The following PAFAH1B1 variants were observed in gnomAD, a reference collection of about 807,000 sequenced individuals.
The protein encoded by PAFAH1B1 is platelet-activating factor acetylhydrolase IB subunit beta.
In PAFAH1B1, 2 loss-of-function variants were observed where a neutral mutation model predicts 57.5. The ratio of observed to expected loss-of-function variants is 0.03; its 90% CI spans 0.01 to 0.11. The LOEUF is 0.11. Ranked by LOEUF, PAFAH1B1 falls within the 10% of genes least tolerant of loss-of-function variation. PAFAH1B1 has a pLI of 1.00. For missense variants in PAFAH1B1, 257 were observed against 512.0 expected, an observed-to-expected ratio of 0.50 and a Z score of 4.81; for synonymous variants, 152 against 169.6, an observed-to-expected ratio of 0.90 and a Z score of 0.81.
rs561339399 is a variant in PAFAH1B1, at chr17:2,618,259, A to G, written c.-190-19840A>G. Among the ~76,000 whole-genome samples, 5 of 152,094 alleles carry G rather than the reference A, an allele frequency of 3.3e-5. No homozygotes were observed. The South Asian group carries it at 1.0e-3, about 31-fold the overall frequency. ...GCAAGACTCTGTCTCAAACAAACCA[A>G]ACTTTCATTTATCATTTGTAATAGT... is the stretch of plus-strand genomic sequence containing the variant. On this transcript the variant is annotated intron_variant, in intron 1 of 10. Coordinates refer to ENST00000397195, the MANE Select transcript of PAFAH1B1 (RefSeq NM_000430.4).
intron 2 of PAFAH1B1, among the ~76,000 whole-genome samples, chr17:2,648,673 G>A (rs2068806235): frequency 7.8e-6 from 1 of 127,746 alleles, no homozygotes; most frequent in Non-Finnish European, 1.6e-5. Context: ...GTGAGACTCT[G>A]TCTCAAAAAA....
intron 7 of PAFAH1B1, chr17:2,673,707 C>T (rs1368870184): frequency 1.2e-5 from 3 of 251,102 alleles, no homozygotes; most frequent in Non-Finnish European, 2.4e-5. Context: ...TTTGGTTGTG[C>T]ATAGAATTAC....
At chr17:2,644,059 G>T (rs902718578) in intron 2 of PAFAH1B1, among the ~76,000 whole-genome samples, 1 of 151,572 alleles carries the variant, frequency 6.6e-6, no homozygotes, top group Non-Finnish European at 1.5e-5. Flanking sequence ...GATTTTTTTT[G>T]TAAAGATGAA....
At chr17:2,652,919 T>C (rs2068883732) in intron 2 of PAFAH1B1, among the ~76,000 whole-genome samples, 1 of 152,120 alleles carries the variant, frequency 6.6e-6, no homozygotes. Flanking sequence ...CATTACTGGG[T>C]ATATATACCC....
At chr17:2,624,960 C>T (rs1475556107) in intron 1 of PAFAH1B1, among the ~76,000 whole-genome samples, 1 of 151,632 alleles carries the variant, frequency 6.6e-6, no homozygotes, top group Admixed American at 6.6e-5. Context: ...ATAATAAATC[C>T]GATGATTTCC....
intron 6 of PAFAH1B1, among the ~76,000 whole-genome samples, chr17:2,670,771 G>A (rs1179276433): frequency 2.6e-5 from 4 of 152,120 alleles, no homozygotes; most frequent in Non-Finnish European, 5.9e-5. Flanking sequence ...TCTTGTTGTG[G>A]GAACTGTTTT....
rs141262044 is a variant in PAFAH1B1, at chr17:2,622,163, A to G, written c.-190-15936A>G. Among the ~76,000 whole-genome samples, 671 of 152,248 alleles carry G rather than the reference A, an allele frequency of 4.4e-3. 20 individuals are homozygous for G. Among genetic ancestry groups the G allele is most frequent in the Admixed American group, 0.034 (518 of 15,272 alleles). On this transcript the variant is annotated intron_variant, in intron 1 of 10. Coordinates refer to ENST00000397195, the MANE Select transcript of PAFAH1B1 (RefSeq NM_000430.4). ...TGAGATTTGGGTGAGGACACAGCCAAACCATATCATTCCACCCCTGGTCCC... is the reference window on the plus strand; with the variant it reads ...TGAGATTTGGGTGAGGACACAGCCAGACCATATCATTCCACCCCTGGTCCC...
At chr17:2,656,169 C>T (rs1374172696) in intron 2 of PAFAH1B1, among the ~76,000 whole-genome samples, 1 of 152,136 alleles carries the variant, frequency 6.6e-6, no homozygotes, top group Non-Finnish European at 1.5e-5. Context: ...CGTGATCTGC[C>T]CGCCTCAGCC....
intron 5 of PAFAH1B1, among the ~76,000 whole-genome samples, chr17:2,668,257 C>T (rs770907597): frequency 6.6e-6 from 1 of 152,064 alleles, no homozygotes; most frequent in Non-Finnish European, 1.5e-5. Flanking sequence ...ACCCAGGAGA[C>T]AGGTTGCAGT....
In PAFAH1B1 at chr17:2,676,590, T is replaced by C. The variant is rs1408387783; in HGVS notation, c.986T>C (p.Met329Thr). 2 of 1,604,830 alleles carry C rather than the reference T, an allele frequency of 1.2e-6. No individual in the cohort carries two copies. Among genetic ancestry groups the C allele is most frequent in the South Asian group, 1.1e-5 (1 of 90,906 alleles). The change falls in exon 9 of 11, where the codon ATG becomes ACG. Residue 329 changes from methionine (M) to threonine (T), a missense_variant. Coordinates refer to ENST00000397195, the MANE Select transcript of PAFAH1B1 (RefSeq NM_000430.4). ...TIKMWDVSTG[M>T]CLMTLVGHDN... ...AAGATGTGGGATGTCAGTACTGGCA[T>C]GTGCCTTATGACCCTCGTAAGTTTG...
chr17:2,677,286 C>T (rs2069285397), intron 9 of PAFAH1B1, among the ~76,000 whole-genome samples: 1 of 152,200 alleles, frequency 6.6e-6, no homozygotes, highest in African/African-American at 2.4e-5. Flanking sequence ...AACTGTTATA[C>T]CTCCTTGCTC....
chr17:2,677,022 G>A (rs912097603), intron 9 of PAFAH1B1, among the ~76,000 whole-genome samples: 6 of 152,088 alleles, frequency 3.9e-5, no homozygotes, highest in African/African-American at 9.7e-5. Context: ...GCGTGGTGGC[G>A]GGCGCCTGTA....
At chr17:2,681,279 CAA>C (rs2069380973) in intron 10 of PAFAH1B1, 1 of 153,648 alleles carries the variant, frequency 6.5e-6, no homozygotes, top group African/African-American at 2.4e-5. Flanking sequence ...TGGGATGGGC[CAA>C]AGAGGAACAG....
Position 2,666,060 on chromosome 17 carries a change from A to G in PAFAH1B1, c.162A>G (p.Lys54=). The G allele has an allele frequency of 1.3e-6, 2 of 1,521,856 alleles. No individual in the cohort carries two copies. Among genetic ancestry groups the G allele is most frequent in the Non-Finnish European group, 1.8e-6 (2 of 1,111,438 alleles). 94.3% of individuals were successfully genotyped at this position (1,521,856 alleles called of 1,614,324 possible). A position where few individuals can be genotyped will look rare whatever the true frequency, so the allele number is the denominator to read the frequency against. The part of the protein sequence containing the change: ...DKKYAGLLEK[K]WTSVIRLQKK... ...AGTATGCTGGTCTTTTGGAAAAAAA[A>G]TGGACATCTGTTATTAGATTACAAA... Residue 54 remains lysine (K), a synonymous_variant, in exon 4 of 11, where the codon AAA becomes AAG. Transcript: ENST00000397195.
rs1326255082 is a variant in PAFAH1B1, at chr17:2,681,842, A to G, written c.*40A>G. 5 of 1,379,846 alleles carry G rather than the reference A, an allele frequency of 3.6e-6. No homozygotes were observed. The African/African-American group carries it at 7.1e-5, about 20-fold the overall frequency. 85.5% of individuals were successfully genotyped at this position (1,379,846 alleles called of 1,614,324 possible). Reference sequence around the variant, plus strand: ...GCCCCTCCTCCCTCTTTTCCTCTGGATGCACTCTGATGATACCATGGTTAC... The same window carrying G: ...GCCCCTCCTCCCTCTTTTCCTCTGGGTGCACTCTGATGATACCATGGTTAC... On this transcript the variant is annotated 3_prime_UTR_variant, in exon 11 of 11. Coordinates refer to ENST00000397195, the MANE Select transcript of PAFAH1B1 (RefSeq NM_000430.4).
At chr17:2,665,133 T>TA (rs1011960547) in intron 2 of PAFAH1B1, among the ~76,000 whole-genome samples, 7 of 151,878 alleles carry the variant, frequency 4.6e-5, no homozygotes, top group Non-Finnish European at 8.8e-5. Flanking sequence ...CTTCTGATGT[T>TA]AAAAAAAAGA....
chr17:2,657,565 A>T (rs1455820066), intron 2 of PAFAH1B1, among the ~76,000 whole-genome samples: 2 of 152,176 alleles, frequency 1.3e-5, no homozygotes, highest in Admixed American at 1.3e-4. Context: ...ATTTGATCAG[A>T]TGTTTTTAGG....
chr17:2,644,443 T>A (rs1275711436), intron 2 of PAFAH1B1, among the ~76,000 whole-genome samples: 2 of 152,164 alleles, frequency 1.3e-5, no homozygotes, highest in African/African-American at 4.8e-5. Flanking sequence ...CTCGGGAGGC[T>A]GAGGCAGGAG....
intron 6 of PAFAH1B1, among the ~76,000 whole-genome samples, chr17:2,670,549 T>C (rs2069167729): frequency 6.6e-6 from 1 of 152,200 alleles, no homozygotes; most frequent in African/African-American, 2.4e-5. Context: ...ACATAAAATA[T>C]TTGTATGAGT....
Sources: allele counts gnomAD v4.1 joint callset (sites outside exome capture counted in the v4.1 genomes callset), GRCh38; gene constraint gnomAD v4.1.1; transcripts MANE v1.5; gene names NCBI Gene and HGNC (gene_info 2026-07-23, HGNC 2026-07-21).